Variants in ASIC2 observed in about 807,000 individuals in gnomAD.
ASIC2 encodes the protein acid sensing ion channel subunit 2.
In ASIC2, 25 loss-of-function variants were observed where a neutral mutation model predicts 57.3. The ratio of observed to expected loss-of-function variants is 0.44; its 90% CI spans 0.32 to 0.61. The LOEUF (loss-of-function observed/expected upper bound fraction) is 0.61, where lower values mean the gene tolerates loss of function less well. Among genes scored for constraint, ASIC2 ranks in the 20% least tolerant of loss-of-function variants. The pLI, the probability that ASIC2 is intolerant of heterozygous loss-of-function variation, is 0.06. For synonymous variants in ASIC2, 319 were observed against 307.5 expected (o/e 1.04, Z -0.39); for missense variants, 641 against 738.1 (o/e 0.87, Z 1.52).
intron 1 of ASIC2, among the ~76,000 whole-genome samples, chr17:33,467,939 A>G (rs1207415936): frequency 6.6e-6 from 1 of 152,198 alleles, no homozygotes; most frequent in Non-Finnish European, 1.5e-5. Context: ...GCTCAGAATA[A>G]ATCTCTTCAA....
chr17:33,960,660 T>A (rs1222747950), intron 1 of ASIC2, among the ~76,000 whole-genome samples: 3 of 152,188 alleles, frequency 2.0e-5, no homozygotes, highest in African/African-American at 7.2e-5. Flanking sequence ...CCACACTGGA[T>A]TTTCAGTTTC....
chr17:33,642,207 A>AC lies in ASIC2; in HGVS notation c.555+513770dup, dbSNP rs200980132. On this transcript the variant is annotated intron_variant, in intron 1 of 9. Transcript: ENST00000359872. ...CGCACTCTAGGGGGAGCAAAAGGAC[A>AC]CCCCCCCCCCCCCCACACACAATGG... 1.6e-3 allele frequency among the ~76,000 whole-genome samples: 213 copies of AC among 136,790 alleles called. 3 individuals are homozygous for AC. Among genetic ancestry groups the AC allele is most frequent in the Non-Finnish European group, 2.5e-3 (155 of 61,730 alleles). 89.7% of individuals were successfully genotyped at this position (136,790 alleles called of 152,430 possible). A position where few individuals can be genotyped will look rare whatever the true frequency, so the allele number is the denominator to read the frequency against.
intron 1 of ASIC2, among the ~76,000 whole-genome samples, chr17:33,376,184 T>C (rs1909269590): frequency 6.6e-6 from 1 of 151,968 alleles, no homozygotes; most frequent in South Asian, 2.1e-4. Flanking sequence ...ATAAGGAGAA[T>C]CAATATGATT....
At chr17:33,248,390 G>A (rs1399943537) in intron 1 of ASIC2, among the ~76,000 whole-genome samples, 1 of 152,176 alleles carries the variant, frequency 6.6e-6, no homozygotes, top group Non-Finnish European at 1.5e-5. Context: ...GAATGAGAGA[G>A]GCAGCCACTG....
intron 1 of ASIC2, among the ~76,000 whole-genome samples, chr17:33,376,803 A>G (rs1029493178): frequency 7.2e-5 from 11 of 151,864 alleles, no homozygotes; most frequent in Non-Finnish European, 1.5e-5. Flanking sequence ...TCCTCATTAC[A>G]TTATCATCAT....
At chr17:33,055,303 C>T (rs1440278425) in intron 3 of ASIC2, among the ~76,000 whole-genome samples, 1 of 152,182 alleles carries the variant, frequency 6.6e-6, no homozygotes, top group East Asian at 1.9e-4. Flanking sequence ...CTCACTCTGA[C>T]TCCAGGGAAG....
intron 1 of ASIC2, among the ~76,000 whole-genome samples, chr17:34,048,309 G>A (rs1029447891): frequency 4.6e-5 from 7 of 152,032 alleles, no homozygotes; most frequent in African/African-American, 1.7e-4. Flanking sequence ...AATTTGGTTC[G>A]GAGAAATAAA....
chr17:33,765,399 C>T (rs1305140430), intron 1 of ASIC2, among the ~76,000 whole-genome samples: 2 of 152,140 alleles, frequency 1.3e-5, no homozygotes, highest in East Asian at 1.9e-4. Flanking sequence ...TGAGCCACCG[C>T]GCCCGGCGAT....
At chr17:33,648,882 TA>T (rs1446007109) in intron 1 of ASIC2, among the ~76,000 whole-genome samples, 13 of 152,220 alleles carry the variant, frequency 8.5e-5, no homozygotes, top group African/African-American at 3.1e-4. Context: ...TTTATGATGT[TA>T]AAACTTCAGA....
intron 1 of ASIC2, among the ~76,000 whole-genome samples, chr17:33,621,453 A>G (rs1309297901): frequency 6.6e-6 from 1 of 152,204 alleles, no homozygotes. Context: ...GGTCCATTTT[A>G]GGAGAATTGG....
At chr17:34,103,227 C>A (rs1008296533) in intron 1 of ASIC2, among the ~76,000 whole-genome samples, 2 of 152,168 alleles carry the variant, frequency 1.3e-5, no homozygotes, top group Admixed American at 6.5e-5. Flanking sequence ...CTCAACGTAG[C>A]CTCAATCTCC....
chr17:33,131,662 T>C (rs2092346542), intron 1 of ASIC2: 1 of 152,270 alleles, frequency 6.6e-6, no homozygotes, highest in Non-Finnish European at 1.5e-5. Flanking sequence ...TGCTTCATGC[T>C]CCTGGGAGTC....
chr17:33,199,259 C>T lies in ASIC2; in HGVS notation c.709-87192G>A, dbSNP rs185655886. 3.5e-3 allele frequency among the ~76,000 whole-genome samples: 529 copies of T among 152,230 alleles called. 5 individuals are homozygous for T. Among genetic ancestry groups the T allele is most frequent in the African/African-American group, 0.012 (496 of 41,534 alleles). On this transcript the variant is annotated intron_variant, in intron 1 of 9. Transcript: ENST00000225823. ...ATAAAATGAGCATTGATTTGAAAGGCAATATTTAAATTCCATCCACAGCAT... is the reference window on the plus strand; with the variant it reads ...ATAAAATGAGCATTGATTTGAAAGGTAATATTTAAATTCCATCCACAGCAT...
chr17:33,058,476 A>AAAAC (rs1451227434), intron 3 of ASIC2, among the ~76,000 whole-genome samples: 156 of 150,526 alleles, frequency 1.0e-3, no homozygotes, highest in African/African-American at 2.5e-3. Flanking sequence ...AAGTCAAAAA[A>AAAAC]AAAAAAAAAA....
At chr17:33,578,544 G>A (rs1007784560) in intron 1 of ASIC2, among the ~76,000 whole-genome samples, 94 of 152,262 alleles carry the variant, frequency 6.2e-4, no homozygotes, top group African/African-American at 2.2e-3. Context: ...ATGGCTAAGG[G>A]ACACCAAGAA....
At chr17:33,923,021 TAG>T (rs1430445819) in intron 1 of ASIC2, among the ~76,000 whole-genome samples, 1 of 152,120 alleles carries the variant, frequency 6.6e-6, no homozygotes, top group African/African-American at 2.4e-5. Context: ...ACTTCTATCC[TAG>T]AGAGGTTTAG....
At chr17:33,434,399 A>C (rs1911532022) in intron 1 of ASIC2, among the ~76,000 whole-genome samples, 1 of 152,176 alleles carries the variant, frequency 6.6e-6, no homozygotes, top group Non-Finnish European at 1.5e-5. Context: ...GACCAACACC[A>C]AAATATATTC....
chr17:34,132,416 G>C (rs536006389), intron 1 of ASIC2, among the ~76,000 whole-genome samples: 149 of 152,268 alleles, frequency 9.8e-4, no homozygotes, highest in African/African-American at 2.6e-3. Context: ...TGCGAGCCGG[G>C]TGGAGGCCAG....
At chr17:33,111,693 C>A (rs1434308628) in intron 2 of ASIC2, among the ~76,000 whole-genome samples, 1 of 152,174 alleles carries the variant, frequency 6.6e-6, no homozygotes, top group African/African-American at 2.4e-5. Flanking sequence ...CCTTACCTCT[C>A]CAGTATTCCC....
Sources: gnomAD v4.1 joint callset for allele counts (sites outside exome capture counted in the v4.1 genomes callset) on GRCh38, gnomAD v4.1.1 for gene constraint, MANE v1.5 for transcripts, NCBI Gene and HGNC (gene_info 2026-07-23, HGNC 2026-07-21) for gene names.